Variants in RARB observed in about 807,000 individuals in gnomAD.
The protein encoded by RARB is retinoic acid receptor beta, also known as HBV-activated protein.
Under a neutral mutation model 51.9 loss-of-function variants are expected in RARB, and 17 were observed. That is an observed-to-expected ratio of 0.33 (90% CI 0.22 to 0.49). The LOEUF (loss-of-function observed/expected upper bound fraction) is 0.49. RARB is among the 20% of genes least tolerant of loss of function. The pLI, the probability that RARB is intolerant of heterozygous loss-of-function variation, is 0.99. For synonymous variants in RARB, 215 were observed against 195.4 expected, an observed-to-expected ratio of 1.10 and a Z score of -0.84; for missense variants, 369 against 550.8, an observed-to-expected ratio of 0.67 and a Z score of 3.30.
intron 2 of RARB, among the ~76,000 whole-genome samples, chr3:24,988,607 G>T (rs1470532240): frequency 6.6e-6 from 1 of 151,750 alleles, no homozygotes; most frequent in African/African-American, 2.4e-5. Flanking sequence ...AAATAGTTTT[G>T]GTTCTTCTGT....
chr3:25,237,577 C>A, intron 5 of RARB, among the ~76,000 whole-genome samples: 1 of 151,976 alleles, frequency 6.6e-6, no homozygotes, highest in Non-Finnish European at 1.5e-5. Context: ...AAAATAACAG[C>A]TTTATTGAGA....
At chr3:25,225,974 G>C (rs1702046603) in intron 5 of RARB, among the ~76,000 whole-genome samples, 1 of 152,068 alleles carries the variant, frequency 6.6e-6, no homozygotes, top group Non-Finnish European at 1.5e-5. Flanking sequence ...TCAGAAAATA[G>C]ATATATAATA....
Position 25,456,678 on chromosome 3 carries a change from TATATAG to T in RARB, c.158-4513_158-4508del, listed in dbSNP as rs1288654561. ...ATATTTGAATATATATATATATATA[TATATAG>T]AGAGAGAGAGAGAGAGAGAGAGAGA... On this transcript the variant is annotated intron_variant, in intron 1 of 7. Coordinates refer to ENST00000330688, the MANE Select transcript of RARB (RefSeq NM_000965.5). Among the ~76,000 whole-genome samples the T allele has an allele frequency of 2.8e-3, 306 of 110,256 alleles. 2 individuals carry two copies. Among genetic ancestry groups the T allele is most frequent in the African/African-American group, 6.6e-3 (178 of 27,058 alleles). 72.3% of individuals were successfully genotyped at this position (110,256 alleles called of 152,430 possible).
At chr3:25,438,328 C>T (rs75224426) in intron 1 of RARB, among the ~76,000 whole-genome samples, 1 of 132,448 alleles carries the variant, frequency 7.6e-6, no homozygotes, top group African/African-American at 2.5e-5. Context: ...ACAGGGCCAG[C>T]CCAGATTCAA....
intron 1 of RARB, among the ~76,000 whole-genome samples, chr3:25,455,893 C>T (rs994758249): frequency 1.3e-5 from 2 of 152,198 alleles, no homozygotes; most frequent in African/African-American, 4.8e-5. Flanking sequence ...AAGCAGGAGA[C>T]AAAAAGCAGA....
chr3:25,353,779 C>T (rs1465332146), intron 5 of RARB, among the ~76,000 whole-genome samples: 1 of 152,018 alleles, frequency 6.6e-6, no homozygotes, highest in East Asian at 1.9e-4. Flanking sequence ...TAAAAATAGG[C>T]CCAGCGGTCT....
chr3:25,082,431 C>T (rs1223237370), intron 3 of RARB, among the ~76,000 whole-genome samples: 2 of 151,132 alleles, frequency 1.3e-5, no homozygotes, highest in African/African-American at 4.9e-5. Flanking sequence ...GTAATTATAC[C>T]CCTTTATATT....
chr3:25,102,812 G>C (rs1467216700), intron 3 of RARB, among the ~76,000 whole-genome samples: 2 of 152,128 alleles, frequency 1.3e-5, no homozygotes, highest in Non-Finnish European at 1.5e-5. Context: ...AGCACTTTGG[G>C]AGTCTGAGGC....
intron 2 of RARB, among the ~76,000 whole-genome samples, chr3:24,872,331 C>A (rs1702962887): frequency 6.6e-6 from 1 of 152,164 alleles, no homozygotes; most frequent in African/African-American, 2.4e-5. Context: ...AATGTTCTTA[C>A]CTAATCCACT....
intron 5 of RARB, among the ~76,000 whole-genome samples, chr3:25,220,927 T>A (rs1701934536): frequency 6.6e-6 from 1 of 152,144 alleles, no homozygotes; most frequent in Middle Eastern, 3.2e-3. Context: ...TCAAGTGAGA[T>A]GAACAAATAG....
Position 24,990,253 on chromosome 3 carries a change from G to A in RARB, c.-379-69872G>A, listed in dbSNP as rs1696883024. On this transcript the variant is annotated intron_variant, in intron 2 of 11. Transcript: ENST00000383772. ...AGGTTAGTTACATATGTATACATGTGCCATGCTGGTGTGCTGCACCCATTA... is the reference window on the plus strand; with the variant it reads ...AGGTTAGTTACATATGTATACATGTACCATGCTGGTGTGCTGCACCCATTA... 2.3e-5 allele frequency among the ~76,000 whole-genome samples: 2 copies of A among 88,524 alleles called. 1 individual carries two copies. Among genetic ancestry groups the A allele is most frequent in the Admixed American group, 3.0e-4 (2 of 6,664 alleles). The allele number at this position is 88,524 out of a possible 152,430, so 58.1% of individuals were successfully genotyped here.
Position 24,857,268 on chromosome 3 carries a change from C to T in RARB, c.-458-1406C>T, listed in dbSNP as rs755328212. 5.9e-5 allele frequency among the ~76,000 whole-genome samples: 9 copies of T among 152,268 alleles called. No individual in the cohort carries two copies. The East Asian group carries it at 7.7e-4, about 13-fold the overall frequency. ...CAGATGGGAGAACTGAGAGTCCTAA[C>T]GGTTCTGGAGTCTGTTCCAAAGTTT... On this transcript the variant is annotated intron_variant, in intron 1 of 11. Coordinates refer to the RARB transcript ENST00000383772.
intron 4 of RARB, among the ~76,000 whole-genome samples, chr3:25,159,415 C>CCCA (rs768243630): frequency 6.6e-6 from 1 of 150,802 alleles, no homozygotes; most frequent in Non-Finnish European, 1.5e-5. Context: ...ATGATCCACC[C>CCCA]CCCCCGCTCC....
chr3:25,580,427 A>G, intron 4 of RARB, 119 bp from the exon 5 acceptor site: 1 of 984,166 alleles, frequency 1.0e-6, no homozygotes. Context: ...CTGTCCCACC[A>G]ACAACCTGCC....
intron 5 of RARB, among the ~76,000 whole-genome samples, chr3:25,229,784 A>G (rs920532498): frequency 2.6e-5 from 4 of 151,336 alleles, no homozygotes; most frequent in African/African-American, 4.9e-5. Flanking sequence ...TGTGTAGCCA[A>G]TCCTACCTTC....
chr3:25,090,188 C>G (rs137865462), intron 3 of RARB, among the ~76,000 whole-genome samples: 1 of 152,198 alleles, frequency 6.6e-6, no homozygotes, highest in African/African-American at 2.4e-5. Flanking sequence ...CCTCTTGGCA[C>G]CTTTGCATAT....
chr3:25,367,606 A>G (rs1706160478), intron 5 of RARB, among the ~76,000 whole-genome samples: 1 of 151,140 alleles, frequency 6.6e-6, no homozygotes, highest in Non-Finnish European at 1.5e-5. Flanking sequence ...GCTTAAGCTG[A>G]GGAGTTCGAG....
intron 3 of RARB, among the ~76,000 whole-genome samples, chr3:25,549,572 T>C (rs1316938087): frequency 6.6e-6 from 1 of 152,154 alleles, no homozygotes; most frequent in Non-Finnish European, 1.5e-5. Flanking sequence ...TGAAAGACCA[T>C]AACCCTCTGT....
chr3:25,488,015 C>T (rs1696553650), intron 2 of RARB, among the ~76,000 whole-genome samples: 1 of 152,150 alleles, frequency 6.6e-6, no homozygotes, highest in South Asian at 2.1e-4. Context: ...GTGGTTGGTC[C>T]AATCTGGAGG....
Sources: allele counts gnomAD v4.1 joint callset (sites outside exome capture counted in the v4.1 genomes callset), GRCh38; gene constraint gnomAD v4.1.1; transcripts MANE v1.5; gene names NCBI Gene and HGNC (gene_info 2026-07-23, HGNC 2026-07-21).